The following TBC1D5 variants were observed in gnomAD, a reference collection of about 807,000 sequenced individuals.
The protein encoded by TBC1D5 is TBC1 domain family member 5.
Under a neutral mutation model 100.3 loss-of-function variants are expected in TBC1D5, and 75 were observed. The observed-to-expected ratio is 0.75, with a 90% CI of 0.62 to 0.91. TBC1D5 has a LOEUF of 0.91. Ranked by LOEUF, TBC1D5 falls within the 40% of genes least tolerant of loss-of-function variation. TBC1D5 has a pLI of 0.00. For synonymous variants in TBC1D5, 323 were observed against 325.6 expected (o/e 0.99, Z 0.09); for missense variants, 910 against 942.4 (o/e 0.97, Z 0.45).
At position 17,589,484 on chromosome 3, in the gene TBC1D5, A is replaced by G. The variant is rs188603654; in HGVS notation, c.-36+34365T>C. 1.0e-3 allele frequency among the ~76,000 whole-genome samples: 152 copies of G among 152,222 alleles called. 2 individuals carry two copies. In the South Asian group the frequency reaches 0.018, roughly 18 times the overall value. On this transcript the variant is annotated intron_variant, in intron 2 of 21. Transcript: ENST00000253692. ...TCTTGTGATAGTGATTAAGTCTCACAAGATCTGATGGTTTTAAAATGAGAA... is the reference window on the plus strand; with the variant it reads ...TCTTGTGATAGTGATTAAGTCTCACGAGATCTGATGGTTTTAAAATGAGAA...
intron 13 of TBC1D5, among the ~76,000 whole-genome samples, chr3:17,366,646 A>T (rs73145900): frequency 3.9e-5 from 6 of 152,180 alleles, no homozygotes; most frequent in African/African-American, 9.6e-5. Context: ...AACTGTGTTT[A>T]GGAAGTTCTT....
intron 1 of TBC1D5, among the ~76,000 whole-genome samples, chr3:17,686,839 T>A (rs1450374983): frequency 1.3e-5 from 2 of 152,124 alleles, no homozygotes; most frequent in Non-Finnish European, 1.5e-5. Context: ...TGGGTAGAGG[T>A]CAGGGATGCT....
intron 2 of TBC1D5, among the ~76,000 whole-genome samples, chr3:17,554,000 T>A (rs2096494924): frequency 6.6e-6 from 1 of 152,194 alleles, no homozygotes; most frequent in African/African-American, 2.4e-5. Context: ...GCCTACTACG[T>A]CAGTTTAAGG....
chr3:17,531,832 A>G (rs532912745), intron 2 of TBC1D5, among the ~76,000 whole-genome samples: 1 of 152,364 alleles, frequency 6.6e-6, no homozygotes, highest in African/African-American at 2.4e-5. Context: ...ACAAAAATTA[A>G]TTCAAGATGG....
chr3:17,687,219 G>A (rs1282546853), intron 1 of TBC1D5, among the ~76,000 whole-genome samples: 2 of 151,166 alleles, frequency 1.3e-5, no homozygotes, highest in Admixed American at 6.6e-5. Context: ...TAAACAGTAA[G>A]TCTACAGTCA....
At chr3:17,540,893 G>A (rs186120092) in intron 2 of TBC1D5, among the ~76,000 whole-genome samples, 115 of 122,662 alleles carry the variant, frequency 9.4e-4, no homozygotes, top group African/African-American at 3.5e-3. Context: ...GCGACAGAGC[G>A]AGGCTCCATC....
At chr3:17,329,223 G>T (rs2086580730) in intron 13 of TBC1D5, among the ~76,000 whole-genome samples, 1 of 152,168 alleles carries the variant, frequency 6.6e-6, no homozygotes, top group African/African-American at 2.4e-5. Flanking sequence ...GATTACTTCA[G>T]AATTATTGTT....
At chr3:17,734,960 G>A (rs1036201411) in intron 1 of TBC1D5, among the ~76,000 whole-genome samples, 7 of 152,048 alleles carry the variant, frequency 4.6e-5, no homozygotes, top group Non-Finnish European at 1.0e-4. Flanking sequence ...GGGCATGGTG[G>A]CATGTGCCTG....
chr3:17,509,606 T>C (rs372493015), intron 2 of TBC1D5, among the ~76,000 whole-genome samples: 3 of 152,162 alleles, frequency 2.0e-5, no homozygotes, highest in East Asian at 1.9e-4. Flanking sequence ...CTTTTGTTAA[T>C]AGAGTTAATT....
At chr3:17,202,348 G>A (rs533107847) in intron 18 of TBC1D5, among the ~76,000 whole-genome samples, 4 of 152,314 alleles carry the variant, frequency 2.6e-5, no homozygotes, top group Middle Eastern at 6.8e-3. Context: ...ATAGGCATGA[G>A]CAAAGAGATG....
In TBC1D5 at chr3:17,261,395, G is replaced by T. The variant is rs1575014218; in HGVS notation, c.1246-2804C>A. ...ATGATATCAATGGTTTTCCTAGGGGGACAAGATTAAATGAGCGGAATTCTC... is the reference window on the plus strand; with the variant it reads ...ATGATATCAATGGTTTTCCTAGGGGTACAAGATTAAATGAGCGGAATTCTC... On this transcript the variant is annotated intron_variant, in intron 15 of 21. Transcript: ENST00000253692. 2.3e-5 allele frequency among the ~76,000 whole-genome samples: 3 copies of T among 131,546 alleles called. No individual in the cohort carries two copies. In the South Asian group the frequency reaches 7.0e-4, roughly 31 times the overall value. 86.3% of individuals were successfully genotyped at this position (131,546 alleles called of 152,430 possible).
intron 2 of TBC1D5, among the ~76,000 whole-genome samples, chr3:17,513,758 T>A (rs936671325): frequency 1.3e-5 from 2 of 149,330 alleles, no homozygotes; most frequent in South Asian, 2.3e-4. Flanking sequence ...TCAGAGTCGA[T>A]TATAAAAGGA....
chr3:17,172,249 C>T (rs1290030835), intron 19 of TBC1D5, among the ~76,000 whole-genome samples: 2 of 152,186 alleles, frequency 1.3e-5, no homozygotes, highest in Non-Finnish European at 2.9e-5. Context: ...CAAGAATATA[C>T]ATTTTACTAA....
chr3:17,336,383 A>C (rs111570744), intron 13 of TBC1D5, among the ~76,000 whole-genome samples: 2 of 152,088 alleles, frequency 1.3e-5, no homozygotes, highest in African/African-American at 4.8e-5. Context: ...TAAGAAAACA[A>C]CTAAACGGTA....
chr3:17,289,526 C>G (rs1020653140), intron 15 of TBC1D5, among the ~76,000 whole-genome samples: 1 of 151,656 alleles, frequency 6.6e-6, no homozygotes, highest in Non-Finnish European at 1.5e-5. Context: ...CCCAGCTACT[C>G]AGGAGGGTGA....
intron 2 of TBC1D5, among the ~76,000 whole-genome samples, chr3:17,561,063 G>A (rs1440482995): frequency 6.6e-6 from 1 of 152,176 alleles, no homozygotes; most frequent in Non-Finnish European, 1.5e-5. Context: ...ACTTTTGGAG[G>A]GAAAAAGAGG....
chr3:17,716,960 G>A (rs903702764), intron 1 of TBC1D5, among the ~76,000 whole-genome samples: 1 of 152,126 alleles, frequency 6.6e-6, no homozygotes, highest in African/African-American at 2.4e-5. Context: ...TTAGATTTGA[G>A]GAAAGAGGGA....
At chr3:17,465,786 T>C (rs979988146) in intron 3 of TBC1D5, among the ~76,000 whole-genome samples, 4 of 152,240 alleles carry the variant, frequency 2.6e-5, no homozygotes, top group African/African-American at 9.6e-5. Context: ...ATGGATCCTG[T>C]TGTCTAACTA....
intron 4 of TBC1D5, among the ~76,000 whole-genome samples, chr3:17,418,056 T>A (rs957316767): frequency 6.6e-5 from 10 of 152,130 alleles, no homozygotes; most frequent in Admixed American, 1.3e-4. Context: ...CTTCTATGTC[T>A]CTCTCAGAAC....
Sources: gnomAD v4.1 joint callset for allele counts (sites outside exome capture counted in the v4.1 genomes callset) on GRCh38, gnomAD v4.1.1 for gene constraint, MANE v1.5 for transcripts, NCBI Gene and HGNC (gene_info 2026-07-23, HGNC 2026-07-21) for gene names.